The following TUFT1 variants were observed in gnomAD, a reference collection of about 807,000 sequenced individuals.
The protein encoded by TUFT1 is tuftelin 1.
Under a neutral mutation model 57.8 loss-of-function variants are expected in TUFT1, and 43 were observed. The ratio of observed to expected loss-of-function variants is 0.74; its 90% CI spans 0.58 to 0.96. TUFT1 has a LOEUF of 0.96. Among genes scored for constraint, TUFT1 ranks in the 40% least tolerant of loss-of-function variants. TUFT1 has a pLI of 0.00. For missense variants in TUFT1, 459 were observed against 489.0 expected (o/e 0.94, Z 0.58); for synonymous variants, 166 against 176.7 (o/e 0.94, Z 0.48).
chr1:151,559,962 T>G (rs1665830476), intron 1 of TUFT1, among the ~76,000 whole-genome samples: 2 of 151,598 alleles, frequency 1.3e-5, no homozygotes, highest in Admixed American at 1.3e-4. Flanking sequence ...CCTGGCTAAT[T>G]TTTTTGTATT....
chr1:151,558,808 G>A (rs578049715), intron 1 of TUFT1, among the ~76,000 whole-genome samples: 9 of 149,176 alleles, frequency 6.0e-5, no homozygotes, highest in African/African-American at 2.2e-4. Flanking sequence ...TTTTTGAGAC[G>A]GAGTCTTGCT....
At chr1:151,556,454 G>T (rs1665702646) in intron 1 of TUFT1, among the ~76,000 whole-genome samples, 2 of 150,746 alleles carry the variant, frequency 1.3e-5, no homozygotes, top group South Asian at 4.3e-4. Context: ...CGTAGCCCAG[G>T]CTGGAGTGCT....
At chr1:151,578,037 A>G (rs544564825) in intron 9 of TUFT1, among the ~76,000 whole-genome samples, 71 of 152,166 alleles carry the variant, frequency 4.7e-4, no homozygotes, top group Non-Finnish European at 8.4e-4. Context: ...GGAAAAAAAA[A>G]AAAAGAAAAG....
At chr1:151,548,307 T>TC (rs1047537315) in intron 1 of TUFT1, among the ~76,000 whole-genome samples, 1 of 144,480 alleles carries the variant, frequency 6.9e-6, no homozygotes, top group Non-Finnish European at 1.5e-5. Context: ...TTTCTTTTCT[T>TC]TTTTTTTTTT....
intron 7 of TUFT1, among the ~76,000 whole-genome samples, chr1:151,573,274 A>G (rs1666326276): frequency 6.6e-6 from 1 of 152,096 alleles, no homozygotes; most frequent in Admixed American, 6.6e-5. Context: ...TGTTCCTTGT[A>G]TGTCCTCTCC....
chr1:151,571,782 C>T (rs762496928), intron 7 of TUFT1, among the ~76,000 whole-genome samples: 30 of 152,178 alleles, frequency 2.0e-4, no homozygotes, highest in Non-Finnish European at 3.7e-4. Context: ...GAGGAGTCTG[C>T]CGCTCTGGAT....
At chr1:151,570,149 G>A (rs1387361629) in intron 7 of TUFT1, among the ~76,000 whole-genome samples, 1 of 152,142 alleles carries the variant, frequency 6.6e-6, no homozygotes, top group Non-Finnish European at 1.5e-5. Context: ...CCAGTGTCTG[G>A]TGCAATACCT....
chr1:151,577,037 G>C (rs1241305314), intron 9 of TUFT1, among the ~76,000 whole-genome samples: 1 of 152,132 alleles, frequency 6.6e-6, no homozygotes, highest in South Asian at 2.1e-4. Flanking sequence ...CCTTCCTAAA[G>C]TGCTGGGATT....
At chr1:151,551,466 C>T (rs1422107327) in intron 1 of TUFT1, among the ~76,000 whole-genome samples, 1 of 152,064 alleles carries the variant, frequency 6.6e-6, no homozygotes, top group East Asian at 1.9e-4. Flanking sequence ...TGTTAAAGTG[C>T]AGGATATGTA....
At chr1:151,545,784 C>A (rs987056583) in intron 1 of TUFT1, 3 of 528,334 alleles carry the variant, frequency 5.7e-6, no homozygotes, top group African/African-American at 1.9e-5. Flanking sequence ...TACAGATAGA[C>A]CCAGGGTGAA....
intron 1 of TUFT1, among the ~76,000 whole-genome samples, chr1:151,552,882 C>T (rs1487939663): frequency 1.3e-5 from 2 of 151,858 alleles, no homozygotes; most frequent in African/African-American, 4.8e-5. Context: ...AGAAGCAGTC[C>T]ATTCTTAGAT....
intron 7 of TUFT1, among the ~76,000 whole-genome samples, chr1:151,572,457 C>T (rs1174951640): frequency 1.3e-5 from 2 of 151,734 alleles, no homozygotes; most frequent in East Asian, 3.9e-4. Context: ...AACCTAGGTG[C>T]AGTGTTTATT....
At chr1:151,564,500 C>G (rs1024457005) in intron 4 of TUFT1, 25 bp from the exon 5 acceptor site, 9 of 1,594,540 alleles carry the variant, frequency 5.6e-6, no homozygotes, top group Non-Finnish European at 6.9e-6. Context: ...CCCTAAAGCT[C>G]AAGTTTCTTC....
At chr1:151,544,629 T>G (rs554447355) in intron 1 of TUFT1, among the ~76,000 whole-genome samples, 1 of 151,110 alleles carries the variant, frequency 6.6e-6, no homozygotes, top group African/African-American at 2.4e-5. Context: ...GGAGTTTCAC[T>G]CTTGTTGCCC....
intron 7 of TUFT1, among the ~76,000 whole-genome samples, chr1:151,571,731 G>T (rs568814838): frequency 6.6e-6 from 1 of 152,284 alleles, no homozygotes; most frequent in South Asian, 2.1e-4. Flanking sequence ...TTATGAAGTT[G>T]TGGAAATTAT....
rs1437006261 is a variant in TUFT1, at chr1:151,563,926, G to A, written c.260G>A (p.Gly87Glu). 1 of 1,614,072 alleles carries A rather than the reference G, an allele frequency of 6.2e-7. No individual in the cohort carries two copies. The highest frequency in any genetic ancestry group is 1.7e-5 in the Admixed American group (1 of 60,002). Residue 87 changes from glycine (G) to glutamate (E), a missense_variant, in exon 4 of 13, where the codon GGA (glycine) becomes GAA (glutamate). Gly to Glu is a moderately conservative substitution (Grantham distance 98). Transcript: ENST00000368849. Reference protein sequence around the residue: ...IIKVYLKGRSGDKMIHEKNIN... With the variant: ...IIKVYLKGRSEDKMIHEKNIN... The stretch of plus-strand genomic sequence containing the variant: ...CAGGTGTACTTGAAGGGGAGGTCTG[G>A]AGACAAGATGATTCACGAGAAGAAT...
At chr1:151,571,494 G>T (rs1046952516) in intron 7 of TUFT1, among the ~76,000 whole-genome samples, 8 of 152,072 alleles carry the variant, frequency 5.3e-5, no homozygotes, top group Non-Finnish European at 1.2e-4. Flanking sequence ...TTGGACTTAG[G>T]GTAATATTAA....
chr1:151,580,661 C>CAAAAAAA (rs10714430), intron 11 of TUFT1, among the ~76,000 whole-genome samples: 11 of 71,932 alleles, frequency 1.5e-4, no homozygotes, highest in Non-Finnish European at 2.6e-4. Context: ...GACCCTATCT[C>CAAAAAAA]AAAAAAAAAA....
intron 9 of TUFT1, among the ~76,000 whole-genome samples, chr1:151,578,434 T>G (rs1666547770): frequency 6.6e-6 from 1 of 152,146 alleles, no homozygotes; most frequent in African/African-American, 2.4e-5. Flanking sequence ...CTCAGCCTCC[T>G]GAGTAGCTGG....
Sources: gnomAD v4.1 joint callset for allele counts (sites outside exome capture counted in the v4.1 genomes callset) on GRCh38, gnomAD v4.1.1 for gene constraint, MANE v1.5 for transcripts, NCBI Gene and HGNC (gene_info 2026-07-23, HGNC 2026-07-21) for gene names.